The following MUC22 variants were observed in gnomAD, a reference collection of about 807,000 sequenced individuals.
MUC22 encodes mucin-22.
MUC22 carries 24 observed loss-of-function variants against 40.3 expected under a neutral mutation model. The ratio of observed to expected loss-of-function variants is 0.60; its 90% confidence interval spans 0.43 to 0.84. MUC22 has a LOEUF of 0.84. Ranked by LOEUF, MUC22 falls within the 40% of genes least tolerant of loss-of-function variation. The probability of loss-of-function intolerance (pLI) is 0.00; values close to 1 mark genes in which losing one functional copy is unlikely to be tolerated. For missense variants in MUC22, 1,926 were observed against 2,130.7 expected, an observed-to-expected ratio of 0.90 and a Z score of 1.89; for synonymous variants, 765 against 844.5, an observed-to-expected ratio of 0.91 and a Z score of 1.63.
intron 1 of MUC22, among the ~76,000 whole-genome samples, chr6:31,019,738 C>T (rs952097388): frequency 1.3e-5 from 2 of 152,168 alleles, no homozygotes; most frequent in African/African-American, 4.8e-5. Flanking sequence ...TCTGTATTTC[C>T]AGCTACTCAG....
chr6:31,020,323 GA>G (rs1436807424), intron 1 of MUC22, among the ~76,000 whole-genome samples: 2 of 147,828 alleles, frequency 1.4e-5, no homozygotes, highest in Admixed American at 1.3e-4. Flanking sequence ...AATACTGAAA[GA>G]AAAAAATACT....
exon 2 of MUC22, chr6:31,025,503 C>T (rs576305968): frequency 6.7e-7 from 1 of 1,492,986 alleles, no homozygotes. Context: ...CCACCTCAGG[C>T]TCTGAGAATA....
chr6:31,010,895 T>C, intron 1 of MUC22, 119 bp downstream of exon 1: 4 of 158,750 alleles, frequency 2.5e-5, no homozygotes, highest in South Asian at 5.9e-5. Context: ...TGATTCATTT[T>C]TTTTTTTTTT....
intron 1 of MUC22, among the ~76,000 whole-genome samples, chr6:31,013,263 A>C (rs1184645470): frequency 1.3e-5 from 2 of 151,466 alleles, no homozygotes; most frequent in Non-Finnish European, 2.9e-5. Context: ...AGTAGCTGGG[A>C]CTACAGGCGC....
At position 31,029,680 on chromosome 6, in the gene MUC22, A is replaced by G. The variant is rs373210918; in HGVS notation, c.4249A>G (p.Thr1417Ala). 87 of 1,533,702 alleles carry G rather than the reference A, an allele frequency of 5.7e-5. 1 individual carries two copies. In the East Asian group the frequency reaches 7.8e-4, roughly 14 times the overall value. ...CTCTACCATAGGCTCTGAGGCCACC[A>G]CATCCTCTGCTGCAGGCTCTGAGGC... Residue 1417 changes from threonine to alanine, a missense_variant, in exon 2 of 4, where the codon ACA (threonine) becomes GCA (alanine). By Grantham distance (58) the Thr-to-Ala change is moderately conservative (BLOSUM62 0). This residue lies in a region of MUC22 where 610 missense variants were observed against 714.6 expected (regional missense o/e 0.85). Transcript: ENST00000561890.
At chr6:31,022,518 G>T (rs1416929040) in intron 1 of MUC22, among the ~76,000 whole-genome samples, 1 of 151,798 alleles carries the variant, frequency 6.6e-6, no homozygotes, top group African/African-American at 2.4e-5. Flanking sequence ...ATGCAAAAAA[G>T]AATGAAGTGT....
Position 31,011,492 on chromosome 6 carries a change from A to C in MUC22, c.70+716A>C, listed in dbSNP as rs558967544. 6.6e-6 allele frequency among the ~76,000 whole-genome samples: 1 copy of C among 152,228 alleles called. No homozygotes were observed. Among genetic ancestry groups the C allele is most frequent in the East Asian group, 1.9e-4 (1 of 5,198 alleles). ...AACTTCACTTAGAATAATAGTCTAC[A>C]GTCTCATCCAGGTCACTGCAAATGC... On this transcript the variant is annotated intron_variant, in intron 1 of 3. Coordinates refer to ENST00000561890, the Ensembl canonical transcript of MUC22. The surrounding 1 kb of genome is among the most constrained non-coding windows in gnomAD (Gnocchi z 4.5).
chr6:31,022,185 T>C (rs879078646), intron 1 of MUC22, among the ~76,000 whole-genome samples: 1 of 152,178 alleles, frequency 6.6e-6, no homozygotes. Flanking sequence ...TAACACTCAC[T>C]GTGAGGGTCT....
At position 31,030,733 on chromosome 6, in the gene MUC22, T is replaced by G. The variant is rs545768117; in HGVS notation, c.4669+633T>G. ...GAAATGCTCCCACTTCGGTGCCAAG[T>G]AGATTATCTCTATTCAACCAACCAT... is the stretch of plus-strand genomic sequence containing the variant. On this transcript the variant is annotated intron_variant, in intron 2 of 3. Transcript: ENST00000561890. Among the ~76,000 whole-genome samples the G allele has an allele frequency of 2.6e-5, 4 of 152,310 alleles. No individual in the cohort carries two copies. In the East Asian group the frequency reaches 7.7e-4, roughly 29 times the overall value.
chr6:31,015,837 C>T (rs1764157131), intron 1 of MUC22, among the ~76,000 whole-genome samples: 1 of 151,960 alleles, frequency 6.6e-6, no homozygotes, highest in Non-Finnish European at 1.5e-5. Flanking sequence ...AAAGTTGTAT[C>T]AGTCAGTTCT....
intron 1 of MUC22, among the ~76,000 whole-genome samples, chr6:31,020,974 A>G (rs1465514382): frequency 6.6e-6 from 1 of 152,070 alleles, no homozygotes; most frequent in Non-Finnish European, 1.5e-5. Context: ...AGGGCTGGGG[A>G]CCTGCAGCCC....
At chr6:31,018,336 T>G (rs1764410525) in intron 1 of MUC22, among the ~76,000 whole-genome samples, 1 of 152,234 alleles carries the variant, frequency 6.6e-6, no homozygotes, top group Non-Finnish European at 1.5e-5. Context: ...CTTCCTGTAT[T>G]TAGTCACATG....
rs1306307506 is a variant in MUC22, at chr6:31,029,946, CA to C, written c.4516del (p.Thr1506LeufsTer86). On this transcript the variant is annotated frameshift_variant, in exon 2 of 4. Coordinates refer to ENST00000561890, the Ensembl canonical transcript of MUC22. LOFTEE classifies it high-confidence loss of function. ...TAGCTTCCACTGCAAGCTTGGAGCC[CA>C]CTGCAACTTCCCTCACAGGCTCTGA... 4.6e-6 allele frequency: 7 copies of C among 1,516,708 alleles called. No homozygotes were observed. Among genetic ancestry groups the C allele is most frequent in the Non-Finnish European group, 6.2e-6 (7 of 1,134,770 alleles). 94.0% of individuals were successfully genotyped at this position (1,516,708 alleles called of 1,614,324 possible). A position where few individuals can be genotyped will look rare whatever the true frequency, so the allele number is the denominator to read the frequency against.
intron 1 of MUC22, among the ~76,000 whole-genome samples, chr6:31,015,480 A>G (rs1764128911): frequency 6.6e-6 from 1 of 152,192 alleles, no homozygotes; most frequent in African/African-American, 2.4e-5. Context: ...AGAGAGGTTG[A>G]CAAATGTAAC....
intron 1 of MUC22, among the ~76,000 whole-genome samples, chr6:31,024,537 C>T (rs1765116947): frequency 6.6e-6 from 1 of 151,960 alleles, no homozygotes; most frequent in Non-Finnish European, 1.5e-5. Flanking sequence ...GAAATTTAAC[C>T]TTTCTACCAT....
chr6:31,021,024 G>A (rs1764678126), intron 1 of MUC22, among the ~76,000 whole-genome samples: 2 of 103,286 alleles, frequency 1.9e-5, no homozygotes, highest in African/African-American at 3.7e-5. Context: ...GGGCTTCTGT[G>A]CGGCCGGAGC....
rs1165243075 is a variant in MUC22, at chr6:31,026,287, G to T, written c.856G>T (p.Glu286Ter). ...CACTACAATCCTGATTAAAGCCTCT[G>T]AGACCACCACAGCCTCTACAGCAGG... The change falls in exon 2 of 4, where the codon GAG becomes TAG. Residue 286 changes from glutamate (E) to a stop codon, truncating the protein, a stop_gained. Transcript: ENST00000561890. LOFTEE classifies it high-confidence loss of function. 1 of 1,516,576 alleles carries T rather than the reference G, an allele frequency of 6.6e-7. No homozygotes were observed. The highest frequency in any genetic ancestry group is 1.4e-5 in the African/African-American group (1 of 72,506). 93.9% of individuals were successfully genotyped at this position (1,516,576 alleles called of 1,614,324 possible).
chr6:31,027,426 C>T (rs1253379278), exon 2 of MUC22: 1 of 1,531,388 alleles, frequency 6.5e-7, no homozygotes, highest in Non-Finnish European at 8.7e-7. Flanking sequence ...ACTCAGAGAC[C>T]ACCACCACCT....
chr6:31,025,958 C>A, exon 2 of MUC22: 2 of 1,535,406 alleles, frequency 1.3e-6, no homozygotes, highest in Non-Finnish European at 1.7e-6. Context: ...TCTGAGACCA[C>A]CATGGCCTCC....
Sources: allele counts gnomAD v4.1 joint callset (sites outside exome capture counted in the v4.1 genomes callset), GRCh38; gene constraint gnomAD v4.1.1; regional missense constraint gnomAD v4.1.1; non-coding constraint Gnocchi (gnomAD v3.1); transcripts MANE v1.5; gene names NCBI Gene and HGNC (gene_info 2026-07-23, HGNC 2026-07-21).